The following NYAP2 variants were observed in gnomAD, a reference collection of about 807,000 sequenced individuals.
NYAP2 encodes neuronal tyrosine-phosphorylated phosphoinositide-3-kinase adaptor 2, also known as neuronal tyrosine-phosphorylated phosphoinositide-3-kinase adapter 2.
In NYAP2, 23 loss-of-function variants were observed where a neutral mutation model predicts 50.4. The observed-to-expected ratio is 0.46, with a 90% CI of 0.33 to 0.65. The LOEUF (loss-of-function observed/expected upper bound fraction) is 0.65. NYAP2 is among the 30% of genes least tolerant of loss of function. NYAP2 has a pLI of 0.02. For synonymous variants in NYAP2, 394 were observed against 365.2 expected (o/e 1.08, Z -0.90); for missense variants, 885 against 861.0 (o/e 1.03, Z -0.35).
At chr2:225,612,421 G>A (rs1473315113) in intron 5 of NYAP2, among the ~76,000 whole-genome samples, 2 of 152,024 alleles carry the variant, frequency 1.3e-5, no homozygotes, top group Admixed American at 6.6e-5. Context: ...GGTTCCTCCT[G>A]TCACCCACCT....
intron 4 of NYAP2, among the ~76,000 whole-genome samples, chr2:225,532,943 A>T (rs1338805427): frequency 6.6e-6 from 1 of 152,204 alleles, no homozygotes; most frequent in Non-Finnish European, 1.5e-5. Flanking sequence ...ATACTATGCT[A>T]GGCAATAGAG....
chr2:225,584,208 A>G (rs781717842), intron 5 of NYAP2, among the ~76,000 whole-genome samples: 1 of 152,206 alleles, frequency 6.6e-6, no homozygotes, highest in Admixed American at 6.5e-5. Context: ...CTATAAATGA[A>G]CATAGACCCA....
chr2:225,429,882 G>A (rs951442561), intron 3 of NYAP2, among the ~76,000 whole-genome samples: 7 of 152,160 alleles, frequency 4.6e-5, no homozygotes, highest in Non-Finnish European at 7.4e-5. Flanking sequence ...CAACCCCAGC[G>A]TCACATGGTG....
At position 225,581,890 on chromosome 2, in the gene NYAP2, A is replaced by G. The variant is rs892850369; in HGVS notation, c.524-51A>G. On this transcript the variant is annotated intron_variant, in intron 4 of 6. Transcript: ENST00000636099. ...TAAACCCACATGCAAATCATTTTTG[A>G]AAACTTTCCTATTATACTCATCTAT... is the stretch of plus-strand genomic sequence containing the variant. 1.8e-5 allele frequency: 27 copies of G among 1,518,470 alleles called. No individual in the cohort carries two copies. The African/African-American group carries it at 3.3e-4, about 19-fold the overall frequency. 94.1% of individuals were successfully genotyped at this position (1,518,470 alleles called of 1,614,324 possible).
rs1047829309 is a variant in NYAP2 at position 225,626,913 on chromosome 2, A to C, written c.1619-4A>C. On this transcript the variant is annotated splice_polypyrimidine_tract_variant and splice_region_variant and intron_variant, in intron 5 of 6. Transcript: ENST00000636099. ...AACAGAATGTAATTCTGGTTACTAC[A>C]CAGAATCAACAGAGGAACTGAAAGT... The C allele has an allele frequency of 6.4e-7, 1 of 1,558,902 alleles. No homozygotes were observed. Among genetic ancestry groups the C allele is most frequent in the African/African-American group, 1.4e-5 (1 of 73,616 alleles).
At chr2:225,481,177 A>C (rs906377406) in intron 3 of NYAP2, among the ~76,000 whole-genome samples, 26 of 152,160 alleles carry the variant, frequency 1.7e-4, no homozygotes, top group African/African-American at 6.3e-4. Context: ...TGTCAATTAA[A>C]AGTGTCATCC....
chr2:225,649,568 C>T (rs1406410425), intron 6 of NYAP2, among the ~76,000 whole-genome samples: 1 of 152,114 alleles, frequency 6.6e-6, no homozygotes, highest in Admixed American at 6.5e-5. Context: ...AATACATAAA[C>T]GTCATTAGAA....
At chr2:225,597,512 A>AATATATATATATATATATATACATATAT in intron 5 of NYAP2, among the ~76,000 whole-genome samples, 5 of 46,220 alleles carry the variant, frequency 1.1e-4, no homozygotes, top group Non-Finnish European at 1.9e-4. Flanking sequence ...TCCAAGGAGA[A>AATATATATATATATATATATACATATAT]ATATATATAT....
At position 225,409,188 on chromosome 2, in the gene NYAP2, G is replaced by C. The variant is rs1694990326; in HGVS notation, c.221+87G>C. Reference sequence around the variant, plus strand: ...AAGTTGTGATGTTGTCACTTGGTCAGAAAAGGTCTTCCAGAGTCAGTTAGA... The same window carrying C: ...AAGTTGTGATGTTGTCACTTGGTCACAAAAGGTCTTCCAGAGTCAGTTAGA... On this transcript the variant is annotated intron_variant, in intron 3 of 6. Transcript: ENST00000636099. 4 of 985,130 alleles carry C rather than the reference G, an allele frequency of 4.1e-6. 1 individual carries two copies. The Admixed American group carries it at 7.1e-5, about 18-fold the overall frequency. 61.0% of individuals were successfully genotyped at this position (985,130 alleles called of 1,614,324 possible).
At chr2:225,685,262 G>A in the NYAP2 span, among the ~76,000 whole-genome samples, 6 of 151,880 alleles carry the variant, frequency 4.0e-5, no homozygotes, top group Admixed American at 3.9e-4. Context: ...ATTTATCTGT[G>A]GTCAAGCCCA....
intron 4 of NYAP2, among the ~76,000 whole-genome samples, chr2:225,552,721 C>T (rs529515527): frequency 1.1e-4 from 17 of 152,154 alleles, no homozygotes; most frequent in African/African-American, 3.4e-4. Flanking sequence ...GACACAGTCT[C>T]GCTCTGTTGC....
intron 4 of NYAP2, among the ~76,000 whole-genome samples, chr2:225,548,722 G>T (rs1369175641): frequency 6.6e-6 from 1 of 152,048 alleles, no homozygotes; most frequent in African/African-American, 2.4e-5. Flanking sequence ...CAAGAAAAAG[G>T]TTCTACATTG....
chr2:225,544,003 G>C (rs932338588), intron 4 of NYAP2, among the ~76,000 whole-genome samples: 1 of 151,938 alleles, frequency 6.6e-6, no homozygotes, highest in South Asian at 2.1e-4. Context: ...TTTCATCATT[G>C]TATAGTGACC....
intron 5 of NYAP2, among the ~76,000 whole-genome samples, chr2:225,583,673 G>A (rs1277416156): frequency 7.9e-5 from 12 of 152,006 alleles, no homozygotes; most frequent in Non-Finnish European, 4.4e-5. Context: ...TTGGGGGCAG[G>A]GAGGTGGGGG....
intron 4 of NYAP2, among the ~76,000 whole-genome samples, chr2:225,565,543 T>C: frequency 6.6e-6 from 1 of 152,194 alleles, no homozygotes; most frequent in East Asian, 1.9e-4. Context: ...CATTAATTTT[T>C]ATAGCTCTGT....
chr2:225,469,382 G>A (rs1689976115), intron 3 of NYAP2, among the ~76,000 whole-genome samples: 1 of 152,210 alleles, frequency 6.6e-6, no homozygotes, highest in Admixed American at 6.5e-5. Flanking sequence ...TGGAGAGGAT[G>A]TGGAGAAATA....
At chr2:225,550,088 G>T (rs1691645772) in intron 4 of NYAP2, among the ~76,000 whole-genome samples, 1 of 151,986 alleles carries the variant, frequency 6.6e-6, no homozygotes, top group African/African-American at 2.4e-5. Flanking sequence ...AACAAGCCAA[G>T]AAAGGAAATG....
chr2:225,489,668 G>A (rs1425296513), intron 3 of NYAP2, among the ~76,000 whole-genome samples: 1 of 152,082 alleles, frequency 6.6e-6, no homozygotes, highest in Non-Finnish European at 1.5e-5. Flanking sequence ...TAGTAATCTG[G>A]AGTCATATGG....
intron 4 of NYAP2, among the ~76,000 whole-genome samples, chr2:225,574,334 G>A (rs927147740): frequency 1.1e-4 from 17 of 152,118 alleles, no homozygotes; most frequent in African/African-American, 3.1e-4. Context: ...TCACTGGTTC[G>A]CAGCAATTCA....
Sources: gnomAD v4.1 joint callset for allele counts (sites outside exome capture counted in the v4.1 genomes callset) on GRCh38, gnomAD v4.1.1 for gene constraint, MANE v1.5 for transcripts, NCBI Gene and HGNC (gene_info 2026-07-23, HGNC 2026-07-21) for gene names.